The following TMX4 variants were observed in gnomAD, a reference collection of about 807,000 sequenced individuals.
The protein encoded by TMX4 is thioredoxin related transmembrane protein 4.
Under a neutral mutation model 33.3 loss-of-function variants are expected in TMX4, and 23 were observed. That is an observed-to-expected ratio of 0.69 (90% CI 0.50 to 0.98). TMX4 has a LOEUF of 0.98. Ranked by LOEUF, TMX4 falls within the 50% of genes least tolerant of loss-of-function variation. The probability of loss-of-function intolerance (pLI) is 0.00; values close to 1 mark genes in which losing one functional copy is unlikely to be tolerated. For missense variants in TMX4, 399 were observed against 448.9 expected (o/e 0.89, Z 1.01); for synonymous variants, 164 against 161.5 (o/e 1.02, Z -0.12).
At chr20:8,017,163 A>G (rs1378786429) in intron 1 of TMX4, among the ~76,000 whole-genome samples, 1 of 152,206 alleles carries the variant, frequency 6.6e-6, no homozygotes, top group Non-Finnish European at 1.5e-5. Context: ...TAGATCACAA[A>G]TAGATAAGAA....
At chr20:7,990,984 G>GA (rs1042010954) in intron 5 of TMX4, among the ~76,000 whole-genome samples, 1 of 151,982 alleles carries the variant, frequency 6.6e-6, no homozygotes, top group Non-Finnish European at 1.5e-5. Flanking sequence ...ATTTTTATAC[G>GA]AAAAAAACAT....
rs1039928951 is a variant in TMX4 at position 7,977,598 on chromosome 20, G to A, written c.*4653C>T. The A allele has an allele frequency of 1.1e-4, 17 of 152,194 alleles. No individual in the cohort carries two copies. Among genetic ancestry groups the A allele is most frequent in the African/African-American group, 3.9e-4 (16 of 41,452 alleles). The allele number at this position is 152,194 out of a possible 1,614,324, so 9.4% of individuals were successfully genotyped here. A position where few individuals can be genotyped will look rare whatever the true frequency, so the allele number is the denominator to read the frequency against. ...ATGTACTACTTGAAACACATATCTG[G>A]ATTTCTCATTCCAATTGCTGCAGAT... On this transcript the variant is annotated 3_prime_UTR_variant, in exon 8 of 8. Coordinates refer to ENST00000246024, the MANE Select transcript of TMX4 (RefSeq NM_021156.4).
At chr20:7,982,721 A>C in intron 7 of TMX4, 100 bp from the exon 8 acceptor site, 1 of 1,347,008 alleles carries the variant, frequency 7.4e-7, no homozygotes, top group Non-Finnish European at 1.0e-6. Flanking sequence ...AGGGTAAGTG[A>C]CAGTTTTTTC....
Position 7,982,132 on chromosome 20 carries a change from A to G in TMX4, c.*119T>C. On this transcript the variant is annotated 3_prime_UTR_variant, in exon 8 of 8. Coordinates refer to ENST00000246024, the MANE Select transcript of TMX4 (RefSeq NM_021156.4). ...CTGCCATGAGACCAAATGACTAGAG[A>G]GCATCTTTTAAGAGAAGCTTGCTCA... 2 of 1,042,142 alleles carry G rather than the reference A, an allele frequency of 1.9e-6. No homozygotes were observed. The highest frequency in any genetic ancestry group is 2.7e-6 in the Non-Finnish European group (2 of 733,520). The allele number at this position is 1,042,142 out of a possible 1,614,324, so 64.6% of individuals were successfully genotyped here. A position where few individuals can be genotyped will look rare whatever the true frequency, so the allele number is the denominator to read the frequency against.
intron 1 of TMX4, among the ~76,000 whole-genome samples, chr20:8,017,550 A>AC (rs1308059965): frequency 2.0e-5 from 3 of 152,212 alleles, no homozygotes; most frequent in African/African-American, 7.2e-5. Context: ...TAATTCTATT[A>AC]CCAAAAAAAA....
chr20:7,998,911 A>G (rs917407623), intron 4 of TMX4, among the ~76,000 whole-genome samples: 2 of 152,070 alleles, frequency 1.3e-5, no homozygotes, highest in Non-Finnish European at 2.9e-5. Context: ...CCTCATCCCA[A>G]CTATGATTCT....
In TMX4 at chr20:8,018,377, G is replaced by GGA. The variant is rs1247607844; in HGVS notation, c.176+1059_176+1060dup. ...GAGAGAGAGAGAGAGAGGAGAGAGA[G>GGA]GAGAGAGAGAGAGAGGGAGGGAGGG... On this transcript the variant is annotated intron_variant, in intron 1 of 7. Coordinates refer to ENST00000246024, the MANE Select transcript of TMX4 (RefSeq NM_021156.4). Among the ~76,000 whole-genome samples, 202 of 59,472 alleles carry GGA rather than the reference G, an allele frequency of 3.4e-3. 19 individuals carry two copies. Among genetic ancestry groups the GGA allele is most frequent in the African/African-American group, 0.02 (188 of 9,174 alleles). The allele number at this position is 59,472 out of a possible 152,430, so 39.0% of individuals were successfully genotyped here.
At chr20:7,982,765 T>G (rs2050614389) in intron 7 of TMX4, 144 bp from the exon 8 acceptor site, 1 of 943,754 alleles carries the variant, frequency 1.1e-6, no homozygotes, top group Non-Finnish European at 1.6e-6. Context: ...GGACAGATTC[T>G]CTGGTTGGCA....
At chr20:8,006,760 CTT>C (rs3030970) in intron 2 of TMX4, among the ~76,000 whole-genome samples, 21 of 139,432 alleles carry the variant, frequency 1.5e-4, no homozygotes, top group Non-Finnish European at 1.7e-4. Context: ...ACTTCTTCTT[CTT>C]TTTTTTTTTT....
intron 2 of TMX4, among the ~76,000 whole-genome samples, chr20:8,005,621 A>T (rs1205320274): frequency 6.6e-6 from 1 of 152,108 alleles, no homozygotes; most frequent in East Asian, 1.9e-4. Context: ...TGCATATATA[A>T]ACCCTGAGTC....
rs1156723197 is a variant in TMX4, at chr20:8,018,481, G to GGAGAGAGA, written c.176+949_176+956dup. 1.2e-3 allele frequency among the ~76,000 whole-genome samples: 16 copies of GGAGAGAGA among 13,722 alleles called. 4 individuals are homozygous for GGAGAGAGA. Among genetic ancestry groups the GGAGAGAGA allele is most frequent in the Non-Finnish European group, 1.6e-3 (14 of 8,642 alleles). 9.0% of individuals were successfully genotyped at this position (13,722 alleles called of 152,430 possible). A position where few individuals can be genotyped will look rare whatever the true frequency, so the allele number is the denominator to read the frequency against. On this transcript the variant is annotated intron_variant, in intron 1 of 7. Transcript: ENST00000246024. ...GAGGGAGGGAGGGAGGGAGGGAGGG[G>GGAGAGAGA]GAGAGAGAGAGAGAGAGAGAGAGAG... is the stretch of plus-strand genomic sequence containing the variant.
intron 1 of TMX4, among the ~76,000 whole-genome samples, chr20:8,014,950 T>C (rs778828740): frequency 6.6e-6 from 1 of 151,960 alleles, no homozygotes; most frequent in Non-Finnish European, 1.5e-5. Context: ...GCCTGCATTA[T>C]AGTTATGGCC....
intron 6 of TMX4, among the ~76,000 whole-genome samples, chr20:7,985,255 G>GTATATA (rs1213646600): frequency 5.8e-5 from 8 of 137,264 alleles, no homozygotes; most frequent in Non-Finnish European, 1.1e-4. Flanking sequence ...ATGTGTGTGT[G>GTATATA]TGTATATATA....
intron 1 of TMX4, among the ~76,000 whole-genome samples, chr20:8,018,520 G>GTCTC (rs1568541337): frequency 0.087 from 4,244 of 48,506 alleles, 1,022 homozygotes; most frequent in East Asian, 0.68. Flanking sequence ...GAGAGAGAGA[G>GTCTC]AGAGAGAGTC....
Position 7,984,229 on chromosome 20 carries a change from T to C in TMX4, c.616-372A>G, listed in dbSNP as rs1034380808. On this transcript the variant is annotated intron_variant, in intron 6 of 7. Coordinates refer to ENST00000246024, the MANE Select transcript of TMX4 (RefSeq NM_021156.4). ...CACCAACGGGTAACCCCTGATTGAA[T>C]GGAAGAACATTTCACAAATGTTACA... Among the ~76,000 whole-genome samples, 37 of 152,218 alleles carry C rather than the reference T, an allele frequency of 2.4e-4. 1 individual carries two copies. The highest frequency in any genetic ancestry group is 7.7e-4 in the African/African-American group (32 of 41,450).
intron 5 of TMX4, 104 bp downstream of exon 5, chr20:7,995,922 A>C (rs1337793486): frequency 2.0e-6 from 2 of 1,009,300 alleles, no homozygotes; most frequent in Non-Finnish European, 2.9e-6. Flanking sequence ...AAAAAAGTGA[A>C]ATTATAAATG....
chr20:7,990,530 T>G (rs754629383), intron 5 of TMX4, among the ~76,000 whole-genome samples: 9 of 152,152 alleles, frequency 5.9e-5, no homozygotes, highest in Non-Finnish European at 8.8e-5. Flanking sequence ...CCTCCATGCA[T>G]CTGAGGTAGA....
At chr20:7,988,635 C>T (rs1202530792) in intron 5 of TMX4, among the ~76,000 whole-genome samples, 3 of 152,166 alleles carry the variant, frequency 2.0e-5, no homozygotes, top group Non-Finnish European at 2.9e-5. Flanking sequence ...TTTATTCATA[C>T]GAAAGGCAAA....
rs2050802499 is a variant in TMX4 at position 8,019,522 on chromosome 20, G to A, written c.92C>T (p.Ala31Val). The A allele has an allele frequency of 6.7e-6, 10 of 1,495,798 alleles. No homozygotes were observed. Among genetic ancestry groups the A allele is most frequent in the South Asian group, 5.1e-5 (4 of 78,808 alleles). 92.7% of individuals were successfully genotyped at this position (1,495,798 alleles called of 1,614,324 possible). Residue 31 changes from alanine to valine, a missense_variant, in exon 1 of 8, where the codon GCG becomes GTG. Physicochemically the swap from Ala to Val is moderately conservative, Grantham distance 64 (BLOSUM62 0). Coordinates refer to ENST00000246024, the MANE Select transcript of TMX4 (RefSeq NM_021156.4). ...VAATAGPEEA[A>V]LPPEQSRVQP... ...GACCCGGCTCTGCTCCGGCGGCAGC[G>A]CGGCCTCCTCGGGGCCTGCCGTCGC...
Sources: allele counts gnomAD v4.1 joint callset (sites outside exome capture counted in the v4.1 genomes callset), GRCh38; gene constraint gnomAD v4.1.1; transcripts MANE v1.5; gene names NCBI Gene and HGNC (gene_info 2026-07-23, HGNC 2026-07-21).